SLC25A38: variants seen among roughly 807,000 people sequenced by gnomAD.
SLC25A38 encodes solute carrier family 25 member 38.
Under a neutral mutation model 33.4 loss-of-function variants are expected in SLC25A38, and 27 were observed. The observed-to-expected ratio is 0.81, with a 90% confidence interval of 0.60 to 1.11. The LOEUF (loss-of-function observed/expected upper bound fraction) is 1.11, where lower values mean the gene tolerates loss of function less well. SLC25A38 is among the 50% of genes most tolerant of loss of function. SLC25A38 has a pLI of 0.00. For synonymous variants in SLC25A38, 123 were observed against 145.9 expected, an observed-to-expected ratio of 0.84 and a Z score of 1.13; for missense variants, 344 against 388.8, an observed-to-expected ratio of 0.88 and a Z score of 0.97.
At chr3:39,395,533 G>A (rs1292115207) in intron 6 of SLC25A38, among the ~76,000 whole-genome samples, 1 of 152,080 alleles carries the variant, frequency 6.6e-6, no homozygotes, top group Non-Finnish European at 1.5e-5. Flanking sequence ...GTGAATTTGT[G>A]TTCTTATCTC....
intron 5 of SLC25A38, 101 bp downstream of exon 5, chr3:39,392,122 T>G: frequency 6.8e-7 from 1 of 1,464,498 alleles, no homozygotes; most frequent in South Asian, 1.2e-5. Flanking sequence ...TAGCAGAGTG[T>G]TAGGAACTGA....
chr3:39,384,531 A>T, intron 1 of SLC25A38: 1 of 394,580 alleles, frequency 2.5e-6, no homozygotes, highest in Non-Finnish European at 4.5e-6. Context: ...TAATCCTTAA[A>T]GGCGGAGACG....
chr3:39,392,169 G>A (rs979975903), intron 5 of SLC25A38, 148 bp downstream of exon 5: 2 of 1,090,904 alleles, frequency 1.8e-6, no homozygotes, highest in Non-Finnish European at 2.7e-6. Flanking sequence ...GGGATGCAAA[G>A]GTGGATATGA....
At chr3:39,384,510 A>ATT in intron 1 of SLC25A38, 5 of 313,064 alleles carry the variant, frequency 1.6e-5, no homozygotes, top group Non-Finnish European at 2.3e-5. Context: ...GGCGGCTTTT[A>ATT]TTTTTTTTTT....
At chr3:39,384,267 C>G (rs115072192) in intron 1 of SLC25A38, among the ~76,000 whole-genome samples, 1 of 152,224 alleles carries the variant, frequency 6.6e-6, no homozygotes, top group Non-Finnish European at 1.5e-5. Flanking sequence ...TGGCGGCACC[C>G]TTCCAGCCTG....
rs1016379309 is a variant in SLC25A38, at chr3:39,394,673, G to T, written c.792+97G>T. On this transcript the variant is annotated intron_variant, in intron 6 of 6. Coordinates refer to ENST00000650617, the MANE Select transcript of SLC25A38 (RefSeq NM_017875.4). ...TTCACTCACATTAAAATTGCCTAGA[G>T]AGCTTTTAAAAATCCCCATGCCCAG... The T allele has an allele frequency of 5.1e-5, 74 of 1,458,078 alleles. No individual in the cohort carries two copies. The South Asian group carries it at 8.4e-4, about 16-fold the overall frequency. The allele number at this position is 1,458,078 out of a possible 1,614,324, so 90.3% of individuals were successfully genotyped here. A position where few individuals can be genotyped will look rare whatever the true frequency, so the allele number is the denominator to read the frequency against.
At position 39,397,067 on chromosome 3, in the gene SLC25A38, CG is replaced by C. The variant is rs2125585211; in HGVS notation, c.*550del. ...TTAACTTCTCAGAGGCTCTGGAGAA[CG>C]GGACAGTGGCTTTCTAGCCTCTGAA... On this transcript the variant is annotated 3_prime_UTR_variant, in exon 7 of 7. Transcript: ENST00000650617. 1 of 181,632 alleles carries C rather than the reference CG, an allele frequency of 5.5e-6. No individual in the cohort carries two copies. Among genetic ancestry groups the C allele is most frequent in the African/African-American group, 2.4e-5 (1 of 42,532 alleles). 11.3% of individuals were successfully genotyped at this position (181,632 alleles called of 1,614,324 possible).
intron 4 of SLC25A38, 32 bp downstream of exon 4, chr3:39,391,652 G>A (rs2041769713): frequency 1.2e-6 from 2 of 1,614,018 alleles, no homozygotes; most frequent in Non-Finnish European, 1.7e-6. Context: ...CCTCAGGATA[G>A]TTCGGCTTAG....
chr3:39,384,096 A>T (rs1022779485), intron 1 of SLC25A38, among the ~76,000 whole-genome samples: 2 of 152,174 alleles, frequency 1.3e-5, no homozygotes, highest in African/African-American at 4.8e-5. Flanking sequence ...GGCCCCCACA[A>T]GGTGCGAGTA....
chr3:39,388,539 G>A (rs560263124), intron 1 of SLC25A38: 1 of 152,324 alleles, frequency 6.6e-6, no homozygotes, highest in East Asian at 1.9e-4. Context: ...GGGCCACAAT[G>A]TGTCATTTAT....
In SLC25A38 at chr3:39,394,736, A is replaced by C. The variant is rs35616367; in HGVS notation, c.792+160A>C. Among the ~76,000 whole-genome samples, 40,627 of 151,968 alleles carry C rather than the reference A, an allele frequency of 0.27. 5,984 individuals are homozygous for C. The highest frequency in any genetic ancestry group is 0.32 in the Non-Finnish European group (21,708 of 67,928). On this transcript the variant is annotated intron_variant, in intron 6 of 6. Coordinates refer to ENST00000650617, the MANE Select transcript of SLC25A38 (RefSeq NM_017875.4). ...GCCAACTATATCAGAATGTCTAGTG[A>C]GATTTTTTTTTTAATGTTCCCCAGT...
intron 5 of SLC25A38, among the ~76,000 whole-genome samples, chr3:39,393,289 G>A (rs993873844): frequency 1.3e-5 from 2 of 151,148 alleles, no homozygotes; most frequent in South Asian, 2.1e-4. Context: ...GTGAGACTCC[G>A]TCTCAAAAAA....
intron 6 of SLC25A38, among the ~76,000 whole-genome samples, chr3:39,396,027 G>C (rs145559118): frequency 1.3e-3 from 193 of 152,126 alleles, no homozygotes; most frequent in African/African-American, 4.5e-3. Flanking sequence ...TGGCCAATAT[G>C]GTGAAAACCC....
At chr3:39,393,358 G>A (rs1260155005) in intron 5 of SLC25A38, among the ~76,000 whole-genome samples, 1 of 152,078 alleles carries the variant, frequency 6.6e-6, no homozygotes, top group Non-Finnish European at 1.5e-5. Context: ...ATAGTACAAT[G>A]TACATATTTT....
intron 1 of SLC25A38, 24 bp downstream of exon 1, chr3:39,383,817 G>A (rs773572483): frequency 1.7e-5 from 28 of 1,613,536 alleles, no homozygotes; most frequent in Non-Finnish European, 2.3e-5. Context: ...GGGGAAGGAA[G>A]GGCAGGGGTC....
chr3:39,395,666 A>G (rs2125583824), intron 6 of SLC25A38, among the ~76,000 whole-genome samples: 2 of 152,168 alleles, frequency 1.3e-5, no homozygotes, highest in South Asian at 4.2e-4. Flanking sequence ...GAGGGCCACC[A>G]AGAGCATACA....
chr3:39,395,449 C>A (rs2041817311), intron 6 of SLC25A38, among the ~76,000 whole-genome samples: 1 of 152,024 alleles, frequency 6.6e-6, no homozygotes, highest in Admixed American at 6.6e-5. Flanking sequence ...TGTATACTAT[C>A]CATAAGCCAC....
At chr3:39,385,272 G>A (rs148931188) in intron 1 of SLC25A38, among the ~76,000 whole-genome samples, 2 of 152,162 alleles carry the variant, frequency 1.3e-5, no homozygotes, top group South Asian at 2.1e-4. Flanking sequence ...AATAACATCT[G>A]CTCTGTGCTA....
At chr3:39,385,537 G>A (rs1327530234) in intron 1 of SLC25A38, among the ~76,000 whole-genome samples, 1 of 152,208 alleles carries the variant, frequency 6.6e-6, no homozygotes, top group Non-Finnish European at 1.5e-5. Context: ...CCTTGCTGGA[G>A]CAAGGGGCCT....
Sources: gnomAD v4.1 joint callset for allele counts (sites outside exome capture counted in the v4.1 genomes callset) on GRCh38, gnomAD v4.1.1 for gene constraint, MANE v1.5 for transcripts, NCBI Gene and HGNC (gene_info 2026-07-23, HGNC 2026-07-21) for gene names.